Variants in TCERG1 observed in about 807,000 individuals in gnomAD.
The protein encoded by TCERG1 is transcription elongation regulator 1, also known as TATA box binding protein (TBP)-associated factor, RNA polymerase II, S, 150kD.
TCERG1 carries 37 observed loss-of-function variants against 144.7 expected under a neutral mutation model. The observed-to-expected ratio is 0.26, with a 90% confidence interval of 0.20 to 0.34. The LOEUF is 0.34. TCERG1 is among the 10% of genes least tolerant of loss of function. The pLI, the probability that TCERG1 is intolerant of heterozygous loss-of-function variation, is 1.00. For synonymous variants in TCERG1, 492 were observed against 458.2 expected, an observed-to-expected ratio of 1.07 and a Z score of -0.94; for missense variants, 1,027 against 1,380.7, an observed-to-expected ratio of 0.74 and a Z score of 4.06.
At chr5:146,492,402 G>A (rs138602906) in intron 15 of TCERG1, among the ~76,000 whole-genome samples, 5 of 152,050 alleles carry the variant, frequency 3.3e-5, no homozygotes, top group Non-Finnish European at 5.9e-5. Flanking sequence ...AAGTTCTTCT[G>A]TCATTTTGTA....
intron 19 of TCERG1, among the ~76,000 whole-genome samples, chr5:146,505,105 A>G (rs1030127257): frequency 1.7e-4 from 25 of 147,878 alleles, no homozygotes; most frequent in Non-Finnish European, 1.8e-4. Flanking sequence ...AAAAAAAAAA[A>G]GGACAAAAAC....
At chr5:146,488,799 A>G (rs1766115404) in intron 15 of TCERG1, among the ~76,000 whole-genome samples, 1 of 152,236 alleles carries the variant, frequency 6.6e-6, no homozygotes, top group African/African-American at 2.4e-5. Flanking sequence ...CACTGTTCAC[A>G]GTAACCAAGA....
At chr5:146,493,120 T>A (rs189741409) in intron 16 of TCERG1, 82 bp downstream of exon 16, 44 of 1,066,356 alleles carry the variant, frequency 4.1e-5, no homozygotes, top group Middle Eastern at 3.1e-4. Context: ...AAAATAGATA[T>A]TTTTTGACTA....
chr5:146,497,358 G>A (rs575691878), intron 16 of TCERG1, among the ~76,000 whole-genome samples: 3 of 152,146 alleles, frequency 2.0e-5, no homozygotes, highest in African/African-American at 7.2e-5. Flanking sequence ...TGTTGCTTAG[G>A]CTTGTCTCGA....
intron 5 of TCERG1, among the ~76,000 whole-genome samples, chr5:146,466,401 G>A (rs1244002588): frequency 6.6e-6 from 1 of 151,808 alleles, no homozygotes; most frequent in Admixed American, 6.6e-5. Context: ...TAAAATACAA[G>A]AGTAGGGGGT....
chr5:146,457,075 G>T, intron 2 of TCERG1, 108 bp from the exon 3 acceptor site: 1 of 1,406,652 alleles, frequency 7.1e-7, no homozygotes. Context: ...TGTTTGAATA[G>T]ACTATAAAAC....
At chr5:146,504,183 GTTA>G in intron 19 of TCERG1, 177 bp downstream of exon 19, 3 of 535,612 alleles carry the variant, frequency 5.6e-6, no homozygotes, top group Admixed American at 4.4e-5. Context: ...AAAAACCCAA[GTTA>G]TTCAACAAAT....
chr5:146,458,907 A>T lies in TCERG1; in HGVS notation c.462A>T (p.Thr154=), dbSNP rs1342972470. ...AGGTTTATTATTATAATGCTCGGACACGTGAATCTGCATGGACCAAGCCAG... is the reference window on the plus strand; with the variant it reads ...AGGTTTATTATTATAATGCTCGGACTCGTGAATCTGCATGGACCAAGCCAG... ...DGKVYYYNAR[T]RESAWTKPDG... is the part of the protein sequence containing the mutation. The change falls in exon 4 of 23, where the codon ACA becomes ACT. Residue 154 remains threonine (T), a synonymous_variant. Coordinates refer to ENST00000679501, the MANE Select transcript of TCERG1 (RefSeq NM_001382548.1). 1.2e-6 allele frequency: 2 copies of T among 1,610,926 alleles called. No homozygotes were observed. Among genetic ancestry groups the T allele is most frequent in the South Asian group, 1.1e-5 (1 of 90,860 alleles).
intron 15 of TCERG1, 134 bp from the exon 16 acceptor site, chr5:146,492,785 AT>A: frequency 1.7e-6 from 1 of 599,772 alleles, no homozygotes; most frequent in South Asian, 2.4e-5. Flanking sequence ...CTTGGTATAG[AT>A]TATCTGTGTA....
chr5:146,471,414 T>C, intron 8 of TCERG1, 74 bp from the exon 9 acceptor site: 2 of 1,368,544 alleles, frequency 1.5e-6, no homozygotes, highest in African/African-American at 2.9e-5. Flanking sequence ...TTTGAGCTGT[T>C]TGCCTTCATG....
chr5:146,469,812 C>A (rs929123240), intron 7 of TCERG1, 68 bp downstream of exon 7: 1 of 1,126,504 alleles, frequency 8.9e-7, no homozygotes, highest in Non-Finnish European at 1.2e-6. Context: ...ATTTGAAATT[C>A]TGAGTTAATT....
At chr5:146,474,385 T>C (rs1440217590) in intron 9 of TCERG1, among the ~76,000 whole-genome samples, 2 of 152,208 alleles carry the variant, frequency 1.3e-5, no homozygotes, top group African/African-American at 4.8e-5. Context: ...TTCTTATGTA[T>C]GAGCAAAGAA....
chr5:146,496,514 T>C (rs1355695405), intron 16 of TCERG1, among the ~76,000 whole-genome samples: 1 of 152,178 alleles, frequency 6.6e-6, no homozygotes, highest in Non-Finnish European at 1.5e-5. Flanking sequence ...TCAACTCTCA[T>C]GTTAATCCTA....
In TCERG1 at chr5:146,478,239, G is replaced by A. The variant is rs538234098; in HGVS notation, c.1602-254G>A. ...TGAGTGTGCCAAACCAAATTCCTAA[G>A]CATTTTAATCTCTGATCACAAATTG... On this transcript the variant is annotated intron_variant, in intron 9 of 22. Transcript: ENST00000679501. Among the ~76,000 whole-genome samples the A allele has an allele frequency of 2.0e-4, 30 of 152,214 alleles. 2 individuals carry two copies. In the South Asian group the frequency reaches 5.2e-3, roughly 26 times the overall value.
In TCERG1 at chr5:146,450,337, G is replaced by A. The variant is rs527981311; in HGVS notation, c.59+2929G>A. ...TGAAAATCTGGGGAAGAACATGCTC[G>A]GCAAAGAGAACAGGTGCAGAGGCTT... On this transcript the variant is annotated intron_variant, in intron 1 of 22. Coordinates refer to ENST00000679501, the MANE Select transcript of TCERG1 (RefSeq NM_001382548.1). Among the ~76,000 whole-genome samples the A allele has an allele frequency of 7.9e-5, 12 of 152,254 alleles. No homozygotes were observed. The South Asian group carries it at 2.3e-3, about 29-fold the overall frequency.
Position 146,460,424 on chromosome 5 carries a change from T to C in TCERG1, c.892+1087T>C, listed in dbSNP as rs538288767. On this transcript the variant is annotated intron_variant, in intron 4 of 22. Coordinates refer to ENST00000679501, the MANE Select transcript of TCERG1 (RefSeq NM_001382548.1). ...ACTAAGCCCGAAAGTACTTAAATAA[T>C]GATTTTTTTATTTGATTATTTGTTA... Among the ~76,000 whole-genome samples, 18 of 95,504 alleles carry C rather than the reference T, an allele frequency of 1.9e-4. No homozygotes were observed. In the East Asian group the frequency reaches 3.4e-3, roughly 18 times the overall value. The allele number at this position is 95,504 out of a possible 152,430, so 62.7% of individuals were successfully genotyped here. A position where few individuals can be genotyped will look rare whatever the true frequency, so the allele number is the denominator to read the frequency against.
At chr5:146,468,273 C>T in intron 5 of TCERG1, 68 bp from the exon 6 acceptor site, 2 of 1,234,402 alleles carry the variant, frequency 1.6e-6, no homozygotes, top group South Asian at 3.4e-5. Context: ...AATTATTTCC[C>T]TGAATCCCAG....
At chr5:146,459,489 G>A in intron 4 of TCERG1, 152 bp downstream of exon 4, 2 of 1,368,552 alleles carry the variant, frequency 1.5e-6, no homozygotes, top group Non-Finnish European at 2.0e-6. Flanking sequence ...TTTTGGGTTA[G>A]AGGAAAACAG....
At chr5:146,455,965 G>A (rs1762798423) in intron 2 of TCERG1, among the ~76,000 whole-genome samples, 1 of 152,188 alleles carries the variant, frequency 6.6e-6, no homozygotes, top group Non-Finnish European at 1.5e-5. Context: ...TATTCTTTTT[G>A]AGTATGTATC....
Sources: gnomAD v4.1 joint callset for allele counts (sites outside exome capture counted in the v4.1 genomes callset) on GRCh38, gnomAD v4.1.1 for gene constraint, MANE v1.5 for transcripts, NCBI Gene and HGNC (gene_info 2026-07-23, HGNC 2026-07-21) for gene names.